PHLPP1: variants seen among roughly 807,000 people sequenced by gnomAD.
PHLPP1 encodes PH domain leucine-rich repeat-containing protein phosphatase 1.
In PHLPP1, 42 loss-of-function variants were observed where a neutral mutation model predicts 117.2. That is an observed-to-expected ratio of 0.36 (90% CI 0.28 to 0.46). PHLPP1 has a LOEUF of 0.46. Among genes scored for constraint, PHLPP1 ranks in the 20% least tolerant of loss-of-function variants. The probability of loss-of-function intolerance (pLI) is 1.00; values close to 1 mark genes in which losing one functional copy is unlikely to be tolerated. For missense variants in PHLPP1, 2,084 were observed against 2,241.9 expected, an observed-to-expected ratio of 0.93 and a Z score of 1.42; for synonymous variants, 1,042 against 970.7, an observed-to-expected ratio of 1.07 and a Z score of -1.37.
At chr18:62,817,851 CTT>C (rs71340119) in intron 1 of PHLPP1, among the ~76,000 whole-genome samples, 6,476 of 86,054 alleles carry the variant, frequency 0.075, 142 homozygotes, top group Middle Eastern at 0.11. Context: ...TGGCAACAGA[CTT>C]TTTTTTTTTT....
At chr18:62,779,018 A>G (rs1913045651) in intron 1 of PHLPP1, among the ~76,000 whole-genome samples, 1 of 152,212 alleles carries the variant, frequency 6.6e-6, no homozygotes, top group African/African-American at 2.4e-5. Context: ...ATTTTGTTGT[A>G]TTCATATGTA....
At chr18:62,741,236 G>A (rs35817768) in intron 1 of PHLPP1, among the ~76,000 whole-genome samples, 5,280 of 152,242 alleles carry the variant, frequency 0.035, 137 homozygotes, top group Middle Eastern at 0.061. Flanking sequence ...TGTAGAGTTC[G>A]GTTGTTTTTT....
intron 14 of PHLPP1, among the ~76,000 whole-genome samples, chr18:62,965,613 C>T (rs1358683190): frequency 1.3e-5 from 2 of 151,786 alleles, no homozygotes; most frequent in African/African-American, 4.8e-5. Context: ...CGCCCACCAC[C>T]ATGCCCGACT....
At chr18:62,821,545 T>A (rs1599065054) in intron 1 of PHLPP1, among the ~76,000 whole-genome samples, 1 of 83,112 alleles carries the variant, frequency 1.2e-5, no homozygotes, top group African/African-American at 5.4e-5. Context: ...TGAGACCCTT[T>A]ATCCAAAAAA....
intron 9 of PHLPP1, among the ~76,000 whole-genome samples, chr18:62,916,747 C>CTTTTTTTTTTTTTTTTTTT (rs10538704): frequency 1.4e-5 from 1 of 71,090 alleles, no homozygotes; most frequent in Admixed American, 2.3e-4. Flanking sequence ...TCCTTCTATT[C>CTTTTTTTTTTTTTTTTTTT]TTTTTTTTTT....
At chr18:62,860,327 T>A (rs1915600683) in intron 3 of PHLPP1, 108 bp from the exon 4 acceptor site, 3 of 894,496 alleles carry the variant, frequency 3.4e-6, no homozygotes, top group Non-Finnish European at 5.2e-6. Context: ...CTAACAGTGC[T>A]ACTTTCATAG....
rs570521004 is a variant in PHLPP1, at chr18:62,950,778, AC to A, written c.3324+5509del. 3.9e-5 allele frequency among the ~76,000 whole-genome samples: 6 copies of A among 152,296 alleles called. No homozygotes were observed. The South Asian group carries it at 1.2e-3, about 32-fold the overall frequency. Reference sequence around the variant, plus strand: ...TAATAGTTACTGAGGAAATTTTCCAACCGTTGCGGAATCTAATGTCAATTCC... The same window carrying A: ...TAATAGTTACTGAGGAAATTTTCCAACGTTGCGGAATCTAATGTCAATTCC... On this transcript the variant is annotated intron_variant, in intron 12 of 16. Transcript: ENST00000262719.
intron 10 of PHLPP1, among the ~76,000 whole-genome samples, chr18:62,935,407 A>G (rs888492240): frequency 1.3e-5 from 2 of 152,218 alleles, no homozygotes; most frequent in Admixed American, 6.5e-5. Flanking sequence ...TTGTTCTTAG[A>G]TAGGACGACT....
At chr18:62,972,493 A>G in intron 14 of PHLPP1, 21 bp from the exon 15 acceptor site, 6 of 1,608,808 alleles carry the variant, frequency 3.7e-6, no homozygotes, top group Non-Finnish European at 5.1e-6. Context: ...GACTCAGCAC[A>G]GAAGTGTGGT....
In PHLPP1 at chr18:62,770,962, T is replaced by C. The variant is rs185327145; in HGVS notation, c.1576+53703T>C. On this transcript the variant is annotated intron_variant, in intron 1 of 16. Transcript: ENST00000262719. ...GTCTGGGCGCGGTGGCTCACGCCTGTAATCCCAACACTTTGGGAGGCCGAG... is the reference window on the plus strand; with the variant it reads ...GTCTGGGCGCGGTGGCTCACGCCTGCAATCCCAACACTTTGGGAGGCCGAG... Among the ~76,000 whole-genome samples, 169 of 152,246 alleles carry C rather than the reference T, an allele frequency of 1.1e-3. 1 individual carries two copies. The highest frequency in any genetic ancestry group is 3.9e-3 in the African/African-American group (161 of 41,556).
At chr18:62,814,418 T>C (rs1298291807) in intron 1 of PHLPP1, among the ~76,000 whole-genome samples, 2 of 152,222 alleles carry the variant, frequency 1.3e-5, no homozygotes, top group Non-Finnish European at 2.9e-5. Context: ...CCTAGACCTC[T>C]TACGGAGTCA....
chr18:62,862,568 A>C (rs1337891483), intron 4 of PHLPP1, among the ~76,000 whole-genome samples: 1 of 152,242 alleles, frequency 6.6e-6, no homozygotes, highest in Non-Finnish European at 1.5e-5. Flanking sequence ...AATGTCTGCC[A>C]AATACCCAAG....
At chr18:62,754,480 C>G (rs549514495) in intron 1 of PHLPP1, among the ~76,000 whole-genome samples, 25 of 152,316 alleles carry the variant, frequency 1.6e-4, no homozygotes, top group African/African-American at 5.8e-4. Context: ...CAGAGGCTTT[C>G]CGTTAAGAGG....
At position 62,979,014 on chromosome 18, in the gene PHLPP1, ACAG is replaced by A. The variant is rs144520623; in HGVS notation, c.4743_4745del (p.Gln1581del). ...GCAGCCGGGCCAAGGAGAAGGAGAA[ACAG>A]CAGCACCTGCTTCAGGTGCCAGCAG... On this transcript the variant is annotated inframe_deletion, in exon 17 of 17. Transcript: ENST00000262719. 7,138 of 1,613,628 alleles carry A rather than the reference ACAG, an allele frequency of 4.4e-3. 225 individuals are homozygous for A. The African/African-American group carries it at 0.076, about 17-fold the overall frequency.
chr18:62,751,051 G>A (rs1040944850), intron 1 of PHLPP1, among the ~76,000 whole-genome samples: 2 of 152,112 alleles, frequency 1.3e-5, no homozygotes, highest in Non-Finnish European at 2.9e-5. Context: ...CAACAAAAAA[G>A]CAGTGTTAGC....
intron 12 of PHLPP1, among the ~76,000 whole-genome samples, chr18:62,951,014 C>G (rs1910440113): frequency 6.6e-6 from 1 of 151,146 alleles, no homozygotes; most frequent in African/African-American, 2.4e-5. Context: ...GTCTCTCTCG[C>G]TCTGTTGCCC....
At chr18:62,899,894 C>G (rs1353599966) in intron 6 of PHLPP1, among the ~76,000 whole-genome samples, 1 of 152,208 alleles carries the variant, frequency 6.6e-6, no homozygotes, top group Non-Finnish European at 1.5e-5. Context: ...GGCTCAAACT[C>G]TTGGGCTCAA....
intron 10 of PHLPP1, among the ~76,000 whole-genome samples, chr18:62,929,264 T>C (rs1304382015): frequency 6.6e-6 from 1 of 152,194 alleles, no homozygotes; most frequent in Non-Finnish European, 1.5e-5. Flanking sequence ...TGTAGTCACA[T>C]GTAGCTTTTT....
chr18:62,783,150 TAA>T (rs1420812535), intron 1 of PHLPP1, among the ~76,000 whole-genome samples: 12 of 123,354 alleles, frequency 9.7e-5, no homozygotes, highest in Non-Finnish European at 1.6e-4. Context: ...TTCAGAGTTT[TAA>T]AAAAAAAAAA....
Sources: gnomAD v4.1 joint callset for allele counts (sites outside exome capture counted in the v4.1 genomes callset) on GRCh38, gnomAD v4.1.1 for gene constraint, MANE v1.5 for transcripts, NCBI Gene and HGNC (gene_info 2026-07-23, HGNC 2026-07-21) for gene names.